TMPRSS9: variants seen among roughly 807,000 people sequenced by gnomAD.
TMPRSS9 encodes the protein transmembrane protease serine 9.
In TMPRSS9, 113 loss-of-function variants were observed where a neutral mutation model predicts 111.4. The observed-to-expected ratio is 1.01, with a 90% CI of 0.87 to 1.19. The LOEUF is 1.19. TMPRSS9 is among the 50% of genes most tolerant of loss of function. The pLI is 0.00. For synonymous variants in TMPRSS9, 805 were observed against 659.1 expected (o/e 1.22, Z -3.39); for missense variants, 1,803 against 1,513.1 (o/e 1.19, Z -3.18).
exon 18 of TMPRSS9, chr19:2,426,053 G>T (rs1347852377): frequency 1.2e-6 from 2 of 1,609,708 alleles, no homozygotes; most frequent in African/African-American, 1.3e-5. Context: ...GGTGGCAGCT[G>T]TGAGAGGCTG....
At chr19:2,393,191 T>C (rs934334609) in intron 1 of TMPRSS9, among the ~76,000 whole-genome samples, 3 of 152,112 alleles carry the variant, frequency 2.0e-5, no homozygotes, top group Non-Finnish European at 4.4e-5. Flanking sequence ...AGAGGATTTG[T>C]TTTTTAATTC....
intron 13 of TMPRSS9, among the ~76,000 whole-genome samples, chr19:2,418,351 C>CTCCCTCCTTCCCTTCCCT (rs1555680726): frequency 2.4e-4 from 6 of 24,782 alleles, no homozygotes; most frequent in Admixed American, 4.6e-4. Context: ...CTCCCTTTCC[C>CTCCCTCCTTCCCTTCCCT]TCCCTCCCTC....
intron 1 of TMPRSS9, among the ~76,000 whole-genome samples, chr19:2,394,237 G>A (rs1599289402): frequency 8.4e-6 from 1 of 119,030 alleles, no homozygotes; most frequent in South Asian, 3.3e-4. Flanking sequence ...TAGCCAGCCA[G>A]GCGTGATAGT....
intron 1 of TMPRSS9, among the ~76,000 whole-genome samples, chr19:2,362,303 T>G (rs913627547): frequency 6.6e-6 from 1 of 151,940 alleles, no homozygotes; most frequent in Non-Finnish European, 1.5e-5. Context: ...CGTATAGTTA[T>G]GTCATGATGT....
chr19:2,362,386 CT>C (rs951465646), intron 1 of TMPRSS9, among the ~76,000 whole-genome samples: 2 of 151,002 alleles, frequency 1.3e-5, no homozygotes, highest in Non-Finnish European at 3.0e-5. Context: ...GTCATTGTGC[CT>C]GTGATTGTGG....
At chr19:2,391,719 C>T (rs931943902) in intron 1 of TMPRSS9, among the ~76,000 whole-genome samples, 4 of 150,254 alleles carry the variant, frequency 2.7e-5, no homozygotes, top group African/African-American at 9.8e-5. Flanking sequence ...CCATCAGGAC[C>T]CCCCTGAAAG....
At position 2,390,581 on chromosome 19, in the gene TMPRSS9, C is replaced by T. The variant is rs148264695; in HGVS notation, c.142+654C>T. Among the ~76,000 whole-genome samples, 491 of 148,144 alleles carry T rather than the reference C, an allele frequency of 3.3e-3. 4 individuals carry two copies. The highest frequency in any genetic ancestry group is 0.012 in the African/African-American group (470 of 40,502). ...TATAAAACCGAGCAACTGGGTTGGGCGTGGTGGCTCCCGCCTGTAATCCCA... is the reference window on the plus strand; with the variant it reads ...TATAAAACCGAGCAACTGGGTTGGGTGTGGTGGCTCCCGCCTGTAATCCCA... On this transcript the variant is annotated intron_variant, in intron 1 of 17. Transcript: ENST00000648592.
chr19:2,360,282 G>C (rs1001608714), exon 1 of TMPRSS9, among the ~76,000 whole-genome samples: 2 of 152,172 alleles, frequency 1.3e-5, no homozygotes, highest in African/African-American at 4.8e-5. Flanking sequence ...GTGCAGCCTC[G>C]TCGTCCGGAG....
chr19:2,404,010 GA>G (rs1003491195), intron 6 of TMPRSS9, among the ~76,000 whole-genome samples: 17 of 121,038 alleles, frequency 1.4e-4, no homozygotes, highest in African/African-American at 4.9e-4. Flanking sequence ...AAAAAAAAAA[GA>G]AAAAAAAATT....
At chr19:2,377,263 ATG>A (rs1403133354) in intron 1 of TMPRSS9, among the ~76,000 whole-genome samples, 3 of 112,060 alleles carry the variant, frequency 2.7e-5, no homozygotes, top group South Asian at 2.3e-4. Context: ...GTATGTATGT[ATG>A]TATGTATGTA....
chr19:2,371,542 A>C (rs913388621), intron 1 of TMPRSS9, among the ~76,000 whole-genome samples: 2 of 151,988 alleles, frequency 1.3e-5, no homozygotes, highest in African/African-American at 2.4e-5. Context: ...AAAAGAAAAA[A>C]AAAATTTAGC....
At position 2,425,333 on chromosome 19, in the gene TMPRSS9, CCCGTCT is replaced by C; in HGVS notation, c.2984-22_2984-17del. The C allele has an allele frequency of 7.0e-7, 1 of 1,429,070 alleles. No homozygotes were observed. Among genetic ancestry groups the C allele is most frequent in the Non-Finnish European group, 9.2e-7 (1 of 1,091,754 alleles). 88.5% of individuals were successfully genotyped at this position (1,429,070 alleles called of 1,614,324 possible). A position where few individuals can be genotyped will look rare whatever the true frequency, so the allele number is the denominator to read the frequency against. ...GCGGCCGGACGCGGTCCCCACCCGC[CCCGTCT>C]CGCTCGCCCGCCCGCAGGCTCCATG... On this transcript the variant is annotated intron_variant, in intron 16 of 17. Coordinates refer to ENST00000648592, the Ensembl canonical transcript of TMPRSS9.
intron 1 of TMPRSS9, among the ~76,000 whole-genome samples, chr19:2,391,014 A>T (rs1016181268): frequency 2.1e-5 from 3 of 144,478 alleles, no homozygotes; most frequent in African/African-American, 7.9e-5. Flanking sequence ...TAAAAATACA[A>T]GAAAGAAAGA....
exon 16 of TMPRSS9, chr19:2,425,006 G>T: frequency 6.5e-7 from 1 of 1,528,284 alleles, no homozygotes; most frequent in East Asian, 2.5e-5. Context: ...CCGCAGCTAC[G>T]GGGACCCCAA....
intron 3 of TMPRSS9, 65 bp downstream of exon 4, chr19:2,398,927 C>A (rs1344655632): frequency 2.0e-6 from 3 of 1,532,742 alleles, no homozygotes; most frequent in African/African-American, 2.7e-5. Flanking sequence ...TGGAGGAGTC[C>A]AGAAAAGTTT....
intron 1 of TMPRSS9, among the ~76,000 whole-genome samples, chr19:2,378,201 C>T (rs898347173): frequency 2.0e-5 from 3 of 152,084 alleles, no homozygotes; most frequent in Non-Finnish European, 4.4e-5. Flanking sequence ...TATAAATCAC[C>T]CAGTCTCAGG....
At chr19:2,398,127 C>T (rs1221641709) in intron 2 of TMPRSS9, among the ~76,000 whole-genome samples, 2 of 149,724 alleles carry the variant, frequency 1.3e-5, no homozygotes, top group African/African-American at 2.5e-5. Flanking sequence ...AACCCTGTCC[C>T]TACTAAAAAA....
chr19:2,416,138 G>A (rs968096399), intron 11 of TMPRSS9: 8 of 427,774 alleles, frequency 1.9e-5, no homozygotes, highest in South Asian at 9.5e-5. Flanking sequence ...ACTCAGGAGC[G>A]TGAGGCAGGA....
chr19:2,382,388 T>C lies in TMPRSS9; in HGVS notation c.-25-7373T>C, dbSNP rs1014030383. ...ATCAGGCGATCCTCCCACCTTGGCCTCCCAAAGTGCTGGGATTACAGGCGT... is the reference window on the plus strand; with the variant it reads ...ATCAGGCGATCCTCCCACCTTGGCCCCCCAAAGTGCTGGGATTACAGGCGT... On this transcript the variant is annotated intron_variant, in intron 1 of 17. Transcript: ENST00000649857. Among the ~76,000 whole-genome samples the C allele has an allele frequency of 9.8e-5, 15 of 152,298 alleles. No homozygotes were observed. The East Asian group carries it at 2.5e-3, about 25-fold the overall frequency.
Sources: allele counts gnomAD v4.1 joint callset (sites outside exome capture counted in the v4.1 genomes callset), GRCh38; gene constraint gnomAD v4.1.1; transcripts MANE v1.5; gene names NCBI Gene and HGNC (gene_info 2026-07-23, HGNC 2026-07-21).